Variants in PLG observed in about 807,000 individuals in gnomAD.
PLG encodes plasminogen, also known as plasmin.
In PLG, 41 loss-of-function variants were observed where a neutral mutation model predicts 104.4. The ratio of observed to expected loss-of-function variants is 0.39; its 90% CI spans 0.31 to 0.51. The LOEUF (loss-of-function observed/expected upper bound fraction) is 0.51, where lower values mean the gene tolerates loss of function less well. Among genes scored for constraint, PLG ranks in the 20% least tolerant of loss-of-function variants. PLG has a pLI of 0.76. For missense variants in PLG, 891 were observed against 1,003.6 expected, an observed-to-expected ratio of 0.89 and a Z score of 1.52; for synonymous variants, 337 against 357.1, an observed-to-expected ratio of 0.94 and a Z score of 0.63.
rs1488736319 is a variant in PLG, at chr6:160,740,122, G to A, written c.2018+914G>A. On this transcript the variant is annotated intron_variant, in intron 16 of 18. Coordinates refer to ENST00000308192, the MANE Select transcript of PLG (RefSeq NM_000301.5). The surrounding 1 kb of genome is among the most constrained non-coding windows in gnomAD (Gnocchi z 5.2). Reference sequence around the variant, plus strand: ...GGGATGAGCATGGCCTGGATGAGAAGGCACGGGGCAGGAGCCTGAGCTGCT... The same window carrying A: ...GGGATGAGCATGGCCTGGATGAGAAAGCACGGGGCAGGAGCCTGAGCTGCT... Among the ~76,000 whole-genome samples the A allele has an allele frequency of 6.6e-6, 1 of 152,206 alleles. No individual in the cohort carries two copies.
At chr6:160,712,756 G>A (rs1285250072) in intron 4 of PLG, among the ~76,000 whole-genome samples, 1 of 152,084 alleles carries the variant, frequency 6.6e-6, no homozygotes, top group Non-Finnish European at 1.5e-5. Flanking sequence ...AAATATTTTG[G>A]CTCTCTAAGA....
At chr6:160,727,774 T>G (rs575616780) in intron 10 of PLG, among the ~76,000 whole-genome samples, 1 of 152,134 alleles carries the variant, frequency 6.6e-6, no homozygotes, top group Admixed American at 6.5e-5. Flanking sequence ...AGACTGGAAC[T>G]TCTTTAACTT....
At chr6:160,703,268 T>TAAA (rs34053173) in intron 1 of PLG, among the ~76,000 whole-genome samples, 7,704 of 146,966 alleles carry the variant, frequency 0.052, 284 homozygotes, top group African/African-American at 0.1. Flanking sequence ...TCTTTTTCTT[T>TAAA]AAAAAAAAAA....
In PLG at chr6:160,723,118, T is replaced by C. The variant is rs1458267579; in HGVS notation, c.1256+551T>C. On this transcript the variant is annotated intron_variant, in intron 10 of 18. Coordinates refer to ENST00000308192, the MANE Select transcript of PLG (RefSeq NM_000301.5). This position sits in a 1 kb window ranked among gnomAD's most constrained non-coding sequence, Gnocchi z 4.7. The stretch of plus-strand genomic sequence containing the variant: ...GTGTATATATATGTACACATATATG[T>C]GTGTATATATATGTACACATATATG... 4.6e-5 allele frequency among the ~76,000 whole-genome samples: 7 copies of C among 151,310 alleles called. No individual in the cohort carries two copies. The highest frequency in any genetic ancestry group is 4.6e-4 in the Admixed American group (7 of 15,152).
intron 2 of PLG, among the ~76,000 whole-genome samples, chr6:160,706,968 C>T (rs1454474234): frequency 7.1e-6 from 1 of 140,870 alleles, no homozygotes; most frequent in Non-Finnish European, 1.5e-5. Flanking sequence ...AAAAAAAAGA[C>T]AGCCCAAGTG....
In PLG at chr6:160,747,095, A is replaced by G. The variant is rs146182697; in HGVS notation, c.2126-5020A>G. Reference sequence around the variant, plus strand: ...GGCTTTCTTAACACAATGTAAAACAATAACAACAAAAGTTATAATTAGACT... The same window carrying G: ...GGCTTTCTTAACACAATGTAAAACAGTAACAACAAAAGTTATAATTAGACT... On this transcript the variant is annotated intron_variant, in intron 17 of 18. Coordinates refer to ENST00000308192, the MANE Select transcript of PLG (RefSeq NM_000301.5). Among the ~76,000 whole-genome samples the G allele has an allele frequency of 2.0e-5, 3 of 152,348 alleles. No individual in the cohort carries two copies. In the East Asian group the frequency reaches 5.8e-4, roughly 29 times the overall value.
rs1202259118 is a variant in PLG, at chr6:160,713,000, C to T, written c.422C>T (p.Thr141Ile). The change falls in exon 5 of 19, where the codon ACA becomes ATA. Residue 141 changes from threonine to isoleucine, a missense_variant. Coordinates refer to ENST00000308192, the MANE Select transcript of PLG (RefSeq NM_000301.5). ...ATCCTCCCCAGATTCTCACCTGCTA[C>T]ACACCCCTCAGAGGGACTGGAGGAG... ...SPHRPRFSPATHPSEGLEENY... is the reference protein window; with the variant it reads ...SPHRPRFSPAIHPSEGLEENY... 1.5e-5 allele frequency: 24 copies of T among 1,610,284 alleles called. No homozygotes were observed. The highest frequency in any genetic ancestry group is 2.0e-5 in the Non-Finnish European group (24 of 1,178,314).
At position 160,738,542 on chromosome 6, in the gene PLG, G is replaced by A. The variant is rs777232742; in HGVS notation, c.1807G>A (p.Gly603Arg). ...PWQVSLRTRF[G>R]MHFCGGTLIS... ...TGAACTAAATCCTCTTTCCAGGTTT[G>A]GAATGCACTTCTGTGGAGGCACCTT... is the stretch of plus-strand genomic sequence containing the variant. The change falls in exon 15 of 19, where the codon GGA becomes AGA. Residue 603 changes from glycine (G) to arginine (R), a missense_variant. Physicochemically the swap from Gly to Arg is moderately radical, Grantham distance 125. Transcript: ENST00000308192. This position sits in a 1 kb window ranked among gnomAD's most constrained non-coding sequence, Gnocchi z 6.8. 6.2e-7 allele frequency: 1 copy of A among 1,600,172 alleles called. No homozygotes were observed. The highest frequency in any genetic ancestry group is 1.1e-5 in the South Asian group (1 of 90,838).
chr6:160,753,901 C>T lies in PLG; in HGVS notation c.*840C>T, dbSNP rs4252199. Among the ~76,000 whole-genome samples, 2,429 of 152,300 alleles carry T rather than the reference C, an allele frequency of 0.016. 32 individuals are homozygous for T. The highest frequency in any genetic ancestry group is 0.022 in the Non-Finnish European group (1,515 of 68,014). On this transcript the variant is annotated 3_prime_UTR_variant, in exon 19 of 19. Coordinates refer to ENST00000308192, the MANE Select transcript of PLG (RefSeq NM_000301.5). The surrounding 1 kb of genome is among the most constrained non-coding windows in gnomAD (Gnocchi z 5.4). ...AAGGAAGAGAAAGGACAAAGGCACA[C>T]GTTTTACCATTTAAAATATTGTTAC...
chr6:160,707,637 A>G, intron 2 of PLG, 63 bp from the exon 3 acceptor site: 1 of 1,459,484 alleles, frequency 6.9e-7, no homozygotes, highest in Non-Finnish European at 9.6e-7. Context: ...TCACTTATTA[A>G]TAAACATTTG....
chr6:160,714,669 G>C, intron 5 of PLG, 125 bp from the exon 6 acceptor site: 2 of 847,570 alleles, frequency 2.4e-6, no homozygotes, highest in Non-Finnish European at 3.8e-6. Flanking sequence ...TGCCTGTTGT[G>C]AATTACATCG....
Position 160,720,455 on chromosome 6 carries a change from T to C in PLG, c.1096+1617T>C, listed in dbSNP as rs1777812307. On this transcript the variant is annotated intron_variant, in intron 9 of 18. Transcript: ENST00000308192. Reference sequence around the variant, plus strand: ...TTTTTTTTGAGATGGAGCCTCACTCTGTCACCCAGGCTGGAGTGCAGTGGC... The same window carrying C: ...TTTTTTTTGAGATGGAGCCTCACTCCGTCACCCAGGCTGGAGTGCAGTGGC... 4.2e-5 allele frequency among the ~76,000 whole-genome samples: 5 copies of C among 119,884 alleles called. No homozygotes were observed. In the Admixed American group the frequency reaches 5.5e-4, roughly 13 times the overall value. 78.6% of individuals were successfully genotyped at this position (119,884 alleles called of 152,430 possible).
intron 17 of PLG, among the ~76,000 whole-genome samples, chr6:160,751,422 T>G (rs1219533092): frequency 1.3e-5 from 2 of 152,212 alleles, no homozygotes; most frequent in Non-Finnish European, 2.9e-5. Flanking sequence ...GAGGATTAAG[T>G]GAGATACATC....
rs992762965 is a variant in PLG, at chr6:160,752,972, C to G, written c.2344C>G (p.Leu782Val). The G allele has an allele frequency of 1.9e-6, 3 of 1,612,586 alleles. No homozygotes were observed. Among genetic ancestry groups the G allele is most frequent in the Non-Finnish European group, 2.5e-6 (3 of 1,178,930 alleles). ...TTTACAAGGAGTCACTTCTTGGGGT[C>G]TTGGCTGTGCACGCCCCAATAAGCC... ...YILQGVTSWG[L>V]GCARPNKPGV... is the part of the protein sequence containing the mutation. Residue 782 changes from leucine (L) to valine (V), a missense_variant, in exon 19 of 19, where the codon CTT becomes GTT. Coordinates refer to ENST00000308192, the MANE Select transcript of PLG (RefSeq NM_000301.5). This position sits in a 1 kb window ranked among gnomAD's most constrained non-coding sequence, Gnocchi z 4.7.
At chr6:160,733,245 C>A (rs1778028750) in intron 12 of PLG, among the ~76,000 whole-genome samples, 1 of 152,194 alleles carries the variant, frequency 6.6e-6, no homozygotes, top group East Asian at 1.9e-4. Flanking sequence ...ATAGAGGGCG[C>A]ACAATGCATG....
chr6:160,712,827 G>A (rs770002863), intron 4 of PLG, among the ~76,000 whole-genome samples, 159 bp from the exon 5 acceptor site: 1 of 152,182 alleles, frequency 6.6e-6, no homozygotes, highest in Admixed American at 6.5e-5. Context: ...CCTATCAATA[G>A]AGAAATTGAA....
intron 3 of PLG, chr6:160,708,072 A>G (rs1423231360): frequency 2.9e-6 from 1 of 343,380 alleles, no homozygotes; most frequent in Non-Finnish European, 5.6e-6. Flanking sequence ...GACCCTGAAA[A>G]TAAGATTTTT....
At chr6:160,714,498 C>T (rs951172194) in intron 5 of PLG, among the ~76,000 whole-genome samples, 2 of 152,138 alleles carry the variant, frequency 1.3e-5, no homozygotes, top group African/African-American at 2.4e-5. Context: ...CTGTGCATCC[C>T]GGTCTAAGGA....
intron 3 of PLG, among the ~76,000 whole-genome samples, chr6:160,709,877 G>A (rs1777605073): frequency 6.6e-6 from 1 of 152,172 alleles, no homozygotes; most frequent in Non-Finnish European, 1.5e-5. Context: ...TGGCTAAAGT[G>A]GGTAACCTTA....
Sources: allele counts gnomAD v4.1 joint callset (sites outside exome capture counted in the v4.1 genomes callset), GRCh38; gene constraint gnomAD v4.1.1; non-coding constraint Gnocchi (gnomAD v3.1); transcripts MANE v1.5; gene names NCBI Gene and HGNC (gene_info 2026-07-23, HGNC 2026-07-21).